Variants in NEB observed in about 807,000 individuals in gnomAD.
NEB encodes the protein nebulin, also known as nemaline myopathy type 2.
In NEB, 512 loss-of-function variants were observed where a neutral mutation model predicts 952.2. That is an observed-to-expected ratio of 0.54 (90% CI 0.50 to 0.58). NEB has a LOEUF of 0.58. Ranked by LOEUF, NEB falls within the 20% of genes least tolerant of loss-of-function variation. The pLI, the probability that NEB is intolerant of heterozygous loss-of-function variation, is 0.00. For synonymous variants in NEB, 2,900 were observed against 3,149.8 expected, an observed-to-expected ratio of 0.92 and a Z score of 2.66; for missense variants, 8,428 against 9,231.1, an observed-to-expected ratio of 0.91 and a Z score of 3.56.
Position 151,725,442 on chromosome 2 carries a change from A to G in NEB, c.402+11T>C, listed in dbSNP as rs1321578457. On this transcript the variant is annotated intron_variant, in intron 6 of 181. Transcript: ENST00000397345. ...AATGTCCCTCTCCTTTATTTCAGCA[A>G]TGCAGCCCACCTCACTGAGTTGATC... is the stretch of plus-strand genomic sequence containing the variant. 2 of 1,606,626 alleles carry G rather than the reference A, an allele frequency of 1.2e-6. No homozygotes were observed. The highest frequency in any genetic ancestry group is 1.7e-4 in the Middle Eastern group (1 of 6,048).
intron 61 of NEB, 96 bp downstream of exon 61, chr2:151,640,259 A>G (rs2098830349): frequency 6.5e-7 from 1 of 1,544,402 alleles, no homozygotes; most frequent in Admixed American, 1.8e-5. Flanking sequence ...TGCCTCCTCC[A>G]GGGGCTGGTG....
intron 124 of NEB, among the ~76,000 whole-genome samples, chr2:151,560,186 T>G (rs1456743513): frequency 6.6e-6 from 1 of 152,206 alleles, no homozygotes; most frequent in Admixed American, 6.5e-5. Flanking sequence ...ATAATTTATA[T>G]TAACTGGGGA....
chr2:151,505,710 T>C (rs1447409469), intron 164 of NEB, 140 bp from the exon 165 acceptor site: 1 of 688,122 alleles, frequency 1.5e-6, no homozygotes, highest in Non-Finnish European at 2.6e-6. Flanking sequence ...TTAGTGTGAA[T>C]GGGACCTCAT....
intron 50 of NEB, 32 bp from the exon 51 acceptor site, chr2:151,655,406 G>A: frequency 7.9e-7 from 1 of 1,265,248 alleles, no homozygotes; most frequent in East Asian, 2.4e-5. Flanking sequence ...CATGAAATTT[G>A]AATAACTGGG....
rs1172424440 is a variant in NEB at position 151,526,071 on chromosome 2, G to T, written c.22051-3C>A. The T allele has an allele frequency of 6.2e-7, 1 of 1,613,198 alleles. No individual in the cohort carries two copies. The highest frequency in any genetic ancestry group is 1.3e-5 in the African/African-American group (1 of 74,900). ...TTGACATGGTCCTTGTACTTGTTCT[G>T]GGGGAATCCATAGAGAGCTCATTAA... On this transcript the variant is annotated splice_polypyrimidine_tract_variant and splice_region_variant and intron_variant, in intron 149 of 181. Transcript: ENST00000397345.
At chr2:151,532,104 T>C in intron 143 of NEB, 1 of 457,778 alleles carries the variant, frequency 2.2e-6, no homozygotes, top group Non-Finnish European at 3.9e-6. Flanking sequence ...TTCCTTTTTT[T>C]GTTTCCCTCC....
rs571935637 is a variant in NEB at position 151,493,411 on chromosome 2, G to A, written c.24707C>T (p.Pro8236Leu). Residue 8236 changes from proline to leucine, a missense_variant, in exon 176 of 182, where the codon CCG becomes CTG. Pro to Leu is a moderately conservative substitution (Grantham distance 98, BLOSUM62 -3). Around this residue, in one of 11 missense-constraint regions of NEB, gnomAD observed 3,374 missense variants for 3,651.5 expected, o/e 0.92. Transcript: ENST00000397345. ...LYKENMRKATPTPVTPEMERA... is the reference protein window; with the variant it reads ...LYKENMRKATLTPVTPEMERA... ...CTCCATCTCTGGAGTAACAGGTGTC[G>A]GAGTTGCTTTTCTCATGTTCTCTTT... The A allele has an allele frequency of 5.4e-5, 87 of 1,608,098 alleles. No homozygotes were observed. Among genetic ancestry groups the A allele is most frequent in the South Asian group, 5.4e-4 (48 of 89,234 alleles).
At chr2:151,687,596 C>T in intron 26 of NEB, 30 bp downstream of exon 26, 1 of 1,613,302 alleles carries the variant, frequency 6.2e-7, no homozygotes, top group Non-Finnish European at 8.5e-7. Flanking sequence ...CCACCCTGTC[C>T]AGGTCCCCAG....
At chr2:151,512,097 C>G (rs1290829354) in intron 161 of NEB, among the ~76,000 whole-genome samples, 1 of 138,088 alleles carries the variant, frequency 7.2e-6, no homozygotes, top group Non-Finnish European at 1.5e-5. Context: ...GTGGCGTGAT[C>G]TCGGCTCACT....
Position 151,519,783 on chromosome 2 carries a change from A to C in NEB, c.22480-15T>G. 1 of 1,509,800 alleles carries C rather than the reference A, an allele frequency of 6.6e-7. No individual in the cohort carries two copies. The highest frequency in any genetic ancestry group is 9.2e-7 in the Non-Finnish European group (1 of 1,085,762). The allele number at this position is 1,509,800 out of a possible 1,614,324, so 93.5% of individuals were successfully genotyped here. ...CGGTATTTAACCTAACAGCAAATGC[A>C]AACATCCAAATTATTCCTGGACATC... On this transcript the variant is annotated splice_polypyrimidine_tract_variant and intron_variant, in intron 153 of 181. Coordinates refer to ENST00000397345, the MANE Select transcript of NEB (RefSeq NM_001164508.2).
At chr2:151,559,725 G>A (rs971066697) in intron 124 of NEB, among the ~76,000 whole-genome samples, 1 of 152,178 alleles carries the variant, frequency 6.6e-6, no homozygotes, top group African/African-American at 2.4e-5. Flanking sequence ...TCACTCGTAA[G>A]TGGGGGTTGA....
intron 57 of NEB, 50 bp downstream of exon 57, chr2:151,643,768 T>C: frequency 6.3e-7 from 1 of 1,587,674 alleles, no homozygotes. Flanking sequence ...TCTGATACTT[T>C]AAAAAGCAGA....
chr2:151,695,780 A>G, intron 17 of NEB, 98 bp from the exon 18 acceptor site: 2 of 863,810 alleles, frequency 2.3e-6, no homozygotes. Flanking sequence ...AGCATTATTG[A>G]GATCAGAAGA....
At chr2:151,669,157 C>T (rs1458318973) in intron 38 of NEB, 26 bp from the exon 39 acceptor site, 1 of 1,404,028 alleles carries the variant, frequency 7.1e-7, no homozygotes. Flanking sequence ...ACAGCATGCA[C>T]ATATCATTAG....
At position 151,617,987 on chromosome 2, in the gene NEB, G is replaced by A. The variant is rs546970989; in HGVS notation, c.11076+288C>T. Among the ~76,000 whole-genome samples, 29 of 152,240 alleles carry A rather than the reference G, an allele frequency of 1.9e-4. No individual in the cohort carries two copies. In the East Asian group the frequency reaches 5.4e-3, roughly 28 times the overall value. ...AGGCAAGAGAATTGCTTGAACCCAG[G>A]AGGTGGAGGTTGCAGTGAGCCAAGA... is the stretch of plus-strand genomic sequence containing the variant. On this transcript the variant is annotated intron_variant, in intron 74 of 181. Transcript: ENST00000397345.
chr2:151,619,688 C>T lies in NEB; in HGVS notation c.10635G>A (p.Lys3545=), dbSNP rs756424328. 1.9e-6 allele frequency: 3 copies of T among 1,613,970 alleles called. No homozygotes were observed. The Admixed American group carries it at 5.0e-5, about 27-fold the overall frequency. The change falls in exon 73 of 182, where the codon AAG becomes AAA. Residue 3545 remains lysine, a synonymous_variant. Transcript: ENST00000397345. ...TGGCAATGTGGAGGGACCACATTAT[C>T]TTGGGGTCATCGTGTACTGCTCGGG... is the stretch of plus-strand genomic sequence containing the variant. ...IGARAVHDDP[K]IMWSLHIAKV...
intron 64 of NEB, among the ~76,000 whole-genome samples, chr2:151,635,001 A>G (rs1396076322): frequency 6.6e-6 from 1 of 152,190 alleles, no homozygotes; most frequent in South Asian, 2.1e-4. Context: ...TAGGTGAGTC[A>G]GCAAGAGACA....
chr2:151,555,867 C>T (rs2095616669), intron 124 of NEB, among the ~76,000 whole-genome samples: 1 of 96,822 alleles, frequency 1.0e-5, no homozygotes, highest in Admixed American at 1.3e-4. Flanking sequence ...TTTAAAGGCA[C>T]CGTTAAAAAA....
chr2:151,578,786 G>A (rs2096996453), intron 105 of NEB, among the ~76,000 whole-genome samples: 1 of 149,470 alleles, frequency 6.7e-6, no homozygotes, highest in South Asian at 2.1e-4. Context: ...AAGGAAGGAA[G>A]GAAGGGCGGG....
Sources: allele counts gnomAD v4.1 joint callset (sites outside exome capture counted in the v4.1 genomes callset), GRCh38; gene constraint gnomAD v4.1.1; regional missense constraint gnomAD v4.1.1; transcripts MANE v1.5; gene names NCBI Gene and HGNC (gene_info 2026-07-23, HGNC 2026-07-21).